The following PLEKHM3 variants were observed in gnomAD, a reference collection of about 807,000 sequenced individuals.
The protein encoded by PLEKHM3 is pleckstrin homology domain-containing family M member 3.
PLEKHM3 carries 45 observed loss-of-function variants against 81.8 expected under a neutral mutation model. That is an observed-to-expected ratio of 0.55 (90% CI 0.43 to 0.71). The LOEUF is 0.71. Ranked by LOEUF, PLEKHM3 falls within the 30% of genes least tolerant of loss-of-function variation. PLEKHM3 has a pLI of 0.00. For missense variants in PLEKHM3, 788 were observed against 924.3 expected (o/e 0.85, Z 1.91); for synonymous variants, 352 against 356.4 (o/e 0.99, Z 0.14).
intron 5 of PLEKHM3, among the ~76,000 whole-genome samples, chr2:207,927,039 T>C (rs1422900127): frequency 1.3e-5 from 2 of 152,202 alleles, no homozygotes; most frequent in Non-Finnish European, 1.5e-5. Context: ...CACTCTCATA[T>C]TGAGGTAAAA....
intron 7 of PLEKHM3, among the ~76,000 whole-genome samples, chr2:207,837,077 G>A (rs1575267126): frequency 1.3e-5 from 2 of 152,194 alleles, no homozygotes; most frequent in South Asian, 4.1e-4. Flanking sequence ...AAATCTCTTA[G>A]CTAAGGAGGG....
chr2:207,871,541 A>G (rs1485707286), intron 6 of PLEKHM3, among the ~76,000 whole-genome samples: 1 of 152,150 alleles, frequency 6.6e-6, no homozygotes, highest in Non-Finnish European at 1.5e-5. Flanking sequence ...GGAATAAAAG[A>G]TTTAAAAAAT....
chr2:208,018,647 C>T (rs1693012093), intron 1 of PLEKHM3, among the ~76,000 whole-genome samples: 1 of 152,180 alleles, frequency 6.6e-6, no homozygotes, highest in Admixed American at 6.5e-5. Context: ...GTCTCCGTTG[C>T]CTTCATGCAA....
At chr2:207,877,287 C>T (rs897472720) in intron 6 of PLEKHM3, among the ~76,000 whole-genome samples, 7 of 152,168 alleles carry the variant, frequency 4.6e-5, no homozygotes, top group Non-Finnish European at 1.0e-4. Context: ...TGTGATCTGG[C>T]TCAGCCCCTA....
intron 6 of PLEKHM3, among the ~76,000 whole-genome samples, chr2:207,889,216 T>C (rs959891214): frequency 6.6e-6 from 1 of 152,096 alleles, no homozygotes; most frequent in African/African-American, 2.4e-5. Flanking sequence ...GGGATGCAGG[T>C]GAACAACCCA....
At chr2:207,927,934 T>G (rs1383763847) in intron 5 of PLEKHM3, among the ~76,000 whole-genome samples, 1 of 152,238 alleles carries the variant, frequency 6.6e-6, no homozygotes, top group African/African-American at 2.4e-5. Context: ...AAATCATCCC[T>G]GGTTGTTTAG....
chr2:207,869,231 A>T (rs1015540277), intron 6 of PLEKHM3, among the ~76,000 whole-genome samples: 3 of 152,184 alleles, frequency 2.0e-5, no homozygotes, highest in African/African-American at 4.8e-5. Context: ...TGGTAATATG[A>T]CTAGTGATAG....
intron 1 of PLEKHM3, among the ~76,000 whole-genome samples, chr2:208,007,829 G>A (rs1225162777): frequency 6.6e-6 from 1 of 152,154 alleles, no homozygotes; most frequent in Non-Finnish European, 1.5e-5. Context: ...GCCAAGGCGG[G>A]TGGATCACAA....
Position 207,828,119 on chromosome 2 carries a change from C to T in PLEKHM3, c.*200G>A, listed in dbSNP as rs1469343635. The T allele has an allele frequency of 8.6e-6, 3 of 347,582 alleles. No individual in the cohort carries two copies. Among genetic ancestry groups the T allele is most frequent in the Admixed American group, 4.6e-5 (1 of 21,516 alleles). The allele number at this position is 347,582 out of a possible 1,614,324, so 21.5% of individuals were successfully genotyped here. A position where few individuals can be genotyped will look rare whatever the true frequency, so the allele number is the denominator to read the frequency against. ...CTCGAGCCACAGAGGTTCTGTGGAT[C>T]GTCTGGACAATGATGTACACAGAGC... is the stretch of plus-strand genomic sequence containing the variant. On this transcript the variant is annotated 3_prime_UTR_variant, in exon 8 of 8. Transcript: ENST00000427836.
chr2:207,841,491 ATATATATATATATATATTCACCACCATTT>A (rs1416192928), intron 7 of PLEKHM3, among the ~76,000 whole-genome samples: 2 of 57,930 alleles, frequency 3.5e-5, no homozygotes, highest in African/African-American at 1.7e-4. Flanking sequence ...ATATATATAT[ATATATATATATATATATTCACCACCATTT>A]CTTTCTAGTA....
intron 7 of PLEKHM3, among the ~76,000 whole-genome samples, chr2:207,849,899 C>T (rs1473560383): frequency 1.3e-5 from 2 of 152,222 alleles, no homozygotes; most frequent in African/African-American, 4.8e-5. Context: ...GTTGGTAAAA[C>T]AGAATACCTG....
Position 207,827,229 on chromosome 2 carries a change from C to A in PLEKHM3, c.*1090G>T, listed in dbSNP as rs1475045707. 6.6e-6 allele frequency: 1 copy of A among 151,786 alleles called. No homozygotes were observed. The allele number at this position is 151,786 out of a possible 1,614,324, so 9.4% of individuals were successfully genotyped here. ...TTTTTTAAACAAAAAAATGAGAAAG[C>A]AAGAATGGTCACATTGACAAAGGTC... is the stretch of plus-strand genomic sequence containing the variant. On this transcript the variant is annotated 3_prime_UTR_variant, in exon 8 of 8. Transcript: ENST00000427836.
At chr2:207,923,905 A>ATATT (rs1396762429) in intron 5 of PLEKHM3, among the ~76,000 whole-genome samples, 16 of 28,340 alleles carry the variant, frequency 5.6e-4, no homozygotes, top group Non-Finnish European at 7.1e-4. Flanking sequence ...ATATATATAT[A>ATATT]TTTTTTTTTT....
intron 5 of PLEKHM3, among the ~76,000 whole-genome samples, chr2:207,911,390 C>T (rs181374495): frequency 6.6e-6 from 1 of 152,108 alleles, no homozygotes; most frequent in Non-Finnish European, 1.5e-5. Flanking sequence ...ACCTTCATAC[C>T]CTTTATCCAG....
intron 3 of PLEKHM3, among the ~76,000 whole-genome samples, chr2:207,953,553 C>CT (rs1461480321): frequency 1.3e-5 from 2 of 152,116 alleles, no homozygotes; most frequent in African/African-American, 2.4e-5. Context: ...CTTTGGGAGG[C>CT]TGAGGTGGAC....
At chr2:208,007,946 G>A (rs989567848) in intron 1 of PLEKHM3, among the ~76,000 whole-genome samples, 3 of 152,070 alleles carry the variant, frequency 2.0e-5, no homozygotes, top group Non-Finnish European at 2.9e-5. Flanking sequence ...CCAGCTACTC[G>A]GGAGGCTGAG....
chr2:207,955,683 C>A (rs558377961), intron 3 of PLEKHM3, among the ~76,000 whole-genome samples: 1 of 152,154 alleles, frequency 6.6e-6, no homozygotes, highest in Admixed American at 6.5e-5. Flanking sequence ...AAAGGCAGAG[C>A]CTAATAAAAG....
intron 6 of PLEKHM3, among the ~76,000 whole-genome samples, chr2:207,884,284 A>C (rs980910525): frequency 6.6e-6 from 1 of 152,258 alleles, no homozygotes; most frequent in Non-Finnish European, 1.5e-5. Context: ...GGAACTAGAT[A>C]CGATGTCTGC....
intron 3 of PLEKHM3, among the ~76,000 whole-genome samples, chr2:207,967,589 C>G (rs1197729081): frequency 6.6e-6 from 1 of 152,148 alleles, no homozygotes; most frequent in African/African-American, 2.4e-5. Flanking sequence ...GTATCTTTAT[C>G]CAGGTAATTA....
Sources: gnomAD v4.1 joint callset for allele counts (sites outside exome capture counted in the v4.1 genomes callset) on GRCh38, gnomAD v4.1.1 for gene constraint, MANE v1.5 for transcripts, NCBI Gene and HGNC (gene_info 2026-07-23, HGNC 2026-07-21) for gene names.